Variants in CTNND2 observed in about 807,000 individuals in gnomAD.
CTNND2 encodes catenin delta-2.
A neutral mutation model predicts 144.4 loss-of-function variants in CTNND2; 22 were observed. That is an observed-to-expected ratio of 0.15 (90% CI 0.11 to 0.22). The LOEUF (loss-of-function observed/expected upper bound fraction) is 0.22. Among genes scored for constraint, CTNND2 ranks in the 10% least tolerant of loss-of-function variants. The probability of loss-of-function intolerance (pLI) is 1.00; values close to 1 mark genes in which losing one functional copy is unlikely to be tolerated. For missense variants in CTNND2, 1,353 were observed against 1,618.8 expected (o/e 0.84, Z 2.82); for synonymous variants, 751 against 695.6 (o/e 1.08, Z -1.25).
chr5:11,885,911 C>T (rs745818443), intron 1 of CTNND2, among the ~76,000 whole-genome samples: 10 of 151,978 alleles, frequency 6.6e-5, no homozygotes, highest in East Asian at 1.9e-4. Flanking sequence ...TTAAGCAACA[C>T]GGTTCTGAAC....
At chr5:11,422,648 A>C (rs1368219960) in intron 3 of CTNND2, among the ~76,000 whole-genome samples, 2 of 152,128 alleles carry the variant, frequency 1.3e-5, no homozygotes, top group Non-Finnish European at 2.9e-5. Context: ...TTCACATTAA[A>C]TTCTGTTTTG....
At chr5:11,748,590 T>C (rs1581818419) in intron 1 of CTNND2, among the ~76,000 whole-genome samples, 1 of 152,190 alleles carries the variant, frequency 6.6e-6, no homozygotes, top group African/African-American at 2.4e-5. Context: ...TACAAATCAT[T>C]ACCCTGTCAA....
At chr5:11,808,503 G>A (rs1223691937) in intron 1 of CTNND2, among the ~76,000 whole-genome samples, 1 of 152,128 alleles carries the variant, frequency 6.6e-6, no homozygotes, top group Admixed American at 6.5e-5. Context: ...TGCAGCTCTT[G>A]GTCTGCAAGC....
chr5:11,258,241 G>C (rs1744483267), intron 9 of CTNND2, among the ~76,000 whole-genome samples: 3 of 152,196 alleles, frequency 2.0e-5, no homozygotes, highest in Admixed American at 2.0e-4. Context: ...ACAGGCCAGG[G>C]AGGCAGCCGA....
At chr5:11,763,449 A>T (rs1358420097) in intron 1 of CTNND2, among the ~76,000 whole-genome samples, 1 of 152,212 alleles carries the variant, frequency 6.6e-6, no homozygotes, top group Admixed American at 6.5e-5. Flanking sequence ...TCATTGTATG[A>T]TCATGACCCA....
intron 9 of CTNND2, among the ~76,000 whole-genome samples, chr5:11,242,608 C>T (rs1742566671): frequency 6.6e-6 from 1 of 152,208 alleles, no homozygotes; most frequent in African/African-American, 2.4e-5. Flanking sequence ...GTGCACAGGA[C>T]AGTCCCCACA....
intron 9 of CTNND2, among the ~76,000 whole-genome samples, chr5:11,297,607 A>G (rs1749156323): frequency 6.6e-6 from 1 of 152,218 alleles, no homozygotes; most frequent in Non-Finnish European, 1.5e-5. Context: ...GCATTTAAAC[A>G]TTTTTAAATT....
chr5:11,491,232 A>C (rs1769354054), intron 3 of CTNND2, among the ~76,000 whole-genome samples: 1 of 152,176 alleles, frequency 6.6e-6, no homozygotes, highest in Non-Finnish European at 1.5e-5. Flanking sequence ...TCCCAGTGAC[A>C]CATGTCCACC....
At chr5:10,981,114 C>G (rs1254077313) in intron 21 of CTNND2, among the ~76,000 whole-genome samples, 1 of 152,166 alleles carries the variant, frequency 6.6e-6, no homozygotes, top group Non-Finnish European at 1.5e-5. Context: ...AATGTGCACA[C>G]AAGCGCATCT....
intron 16 of CTNND2, among the ~76,000 whole-genome samples, chr5:11,039,605 T>C (rs1211191284): frequency 6.6e-6 from 1 of 152,178 alleles, no homozygotes; most frequent in East Asian, 1.9e-4. Flanking sequence ...TTGTTTTAAT[T>C]GATTAGAGAT....
intron 3 of CTNND2, among the ~76,000 whole-genome samples, chr5:11,488,279 A>G (rs1769033096): frequency 6.6e-6 from 1 of 152,212 alleles, no homozygotes; most frequent in South Asian, 2.1e-4. Context: ...GATCAGATGT[A>G]TTATGAATGG....
chr5:11,788,047 A>G (rs1180641082), intron 1 of CTNND2, among the ~76,000 whole-genome samples: 1 of 152,206 alleles, frequency 6.6e-6, no homozygotes, highest in Non-Finnish European at 1.5e-5. Context: ...ATGATATTTG[A>G]AAGTGTTTTT....
Position 11,891,399 on chromosome 5 carries a change from C to T in CTNND2, c.37+12418G>A, listed in dbSNP as rs559916943. Among the ~76,000 whole-genome samples, 3 of 152,282 alleles carry T rather than the reference C, an allele frequency of 2.0e-5. No individual in the cohort carries two copies. In the South Asian group the frequency reaches 6.2e-4, roughly 32 times the overall value. ...GCCACCAGAGATTGGCCTTCCTTGACACTGGGTAACTTGCTGGTTTCATCC... is the reference window on the plus strand; with the variant it reads ...GCCACCAGAGATTGGCCTTCCTTGATACTGGGTAACTTGCTGGTTTCATCC... On this transcript the variant is annotated intron_variant, in intron 1 of 21. Transcript: ENST00000304623.
chr5:11,699,137 A>G (rs762682203), intron 2 of CTNND2, among the ~76,000 whole-genome samples: 1 of 152,080 alleles, frequency 6.6e-6, no homozygotes, highest in African/African-American at 2.4e-5. Context: ...TGTCAATTCT[A>G]TCGAATGAGT....
At chr5:11,359,328 T>C (rs145428649) in intron 8 of CTNND2, among the ~76,000 whole-genome samples, 51 of 152,308 alleles carry the variant, frequency 3.3e-4, no homozygotes, top group African/African-American at 1.2e-3. Context: ...GGGATGGTCA[T>C]GTAAAAGTAA....
intron 2 of CTNND2, among the ~76,000 whole-genome samples, chr5:11,692,891 T>G (rs1026998344): frequency 1.7e-4 from 26 of 152,308 alleles, no homozygotes; most frequent in African/African-American, 6.3e-4. Flanking sequence ...CATGGGCCAC[T>G]GCACCCAGCT....
intron 3 of CTNND2, among the ~76,000 whole-genome samples, chr5:11,539,598 C>T (rs1318709460): frequency 6.6e-6 from 1 of 152,206 alleles, no homozygotes; most frequent in Non-Finnish European, 1.5e-5. Context: ...TCTCTTGTGA[C>T]GTTTATGCAA....
At chr5:11,585,482 G>GTC (rs1291212391) in intron 2 of CTNND2, among the ~76,000 whole-genome samples, 1 of 150,226 alleles carries the variant, frequency 6.7e-6, no homozygotes, top group Admixed American at 6.8e-5. Context: ...TTTTATCTAT[G>GTC]TATATCTATC....
intron 2 of CTNND2, among the ~76,000 whole-genome samples, chr5:11,692,576 G>A (rs567201475): frequency 6.6e-6 from 1 of 152,280 alleles, no homozygotes; most frequent in East Asian, 1.9e-4. Flanking sequence ...ACGCCATTAG[G>A]TGGAATTTGG....
Sources: gnomAD v4.1 joint callset for allele counts (sites outside exome capture counted in the v4.1 genomes callset) on GRCh38, gnomAD v4.1.1 for gene constraint, MANE v1.5 for transcripts, NCBI Gene and HGNC (gene_info 2026-07-23, HGNC 2026-07-21) for gene names.